Variants in OCRL observed in about 807,000 individuals in gnomAD.
OCRL encodes the protein inositol polyphosphate 5-phosphatase OCRL.
OCRL carries 8 observed loss-of-function variants against 78.9 expected under a neutral mutation model. That is an observed-to-expected ratio of 0.10 (90% CI 0.06 to 0.18). The LOEUF (loss-of-function observed/expected upper bound fraction) is 0.18, where lower values mean the gene tolerates loss of function less well. Among genes scored for constraint, OCRL ranks in the 10% least tolerant of loss-of-function variants. The pLI is 1.00. For synonymous variants in OCRL, 240 were observed against 235.4 expected, an observed-to-expected ratio of 1.02 and a Z score of -0.18; for missense variants, 454 against 696.7, an observed-to-expected ratio of 0.65 and a Z score of 3.92.
intron 12 of OCRL, among the ~76,000 whole-genome samples, chrX:129,564,161 C>T (rs1347215537): frequency 3.6e-5 from 4 of 111,182 alleles, no homozygotes; most frequent in Non-Finnish European, 7.6e-5. Flanking sequence ...CAAATCAAAA[C>T]CACAATGAGA....
chrX:129,571,355 G>GT (rs1936297352), intron 15 of OCRL, among the ~76,000 whole-genome samples: 1 of 86,135 alleles, frequency 1.2e-5, no homozygotes, highest in African/African-American at 4.4e-5. Flanking sequence ...TTTGTTTTTT[G>GT]TTTTTTGGTT....
rs1425255432 is a variant in OCRL at position 129,591,637 on chromosome X, C to CGTACAGGCTGTAT, written c.*1373_*1385dup. ...TTTACATTAATTGCAAGGAGCATAA[C>CGTACAGGCTGTAT]GTACAGGCTGTATGTACAATCCTGG... On this transcript the variant is annotated 3_prime_UTR_variant, in exon 24 of 24. Transcript: ENST00000371113. 1 of 111,385 alleles carries CGTACAGGCTGTAT rather than the reference C, an allele frequency of 9.0e-6. No homozygotes were observed. The highest frequency in any genetic ancestry group is 1.9e-5 in the Non-Finnish European group (1 of 52,982). The allele number at this position is 111,385 out of a possible 1,213,427, so 9.2% of individuals were successfully genotyped here. A position where few individuals can be genotyped will look rare whatever the true frequency, so the allele number is the denominator to read the frequency against.
intron 18 of OCRL, among the ~76,000 whole-genome samples, chrX:129,579,963 TAA>T (rs1936420106): frequency 8.9e-6 from 1 of 112,125 alleles, no homozygotes; most frequent in Non-Finnish European, 1.9e-5. Context: ...GAAAGTCGTT[TAA>T]AGTGACTGCT....
intron 15 of OCRL, among the ~76,000 whole-genome samples, chrX:129,573,433 A>G (rs371566029): frequency 1.8e-5 from 2 of 111,090 alleles, no homozygotes; most frequent in East Asian, 5.6e-4. Flanking sequence ...CCCTGTGTCC[A>G]TGTGTTCTCA....
chrX:129,562,629 G>A lies in OCRL; in HGVS notation c.1087G>A (p.Val363Ile), dbSNP rs1936160740. 1.7e-6 allele frequency: 2 copies of A among 1,209,732 alleles called. No homozygotes were observed. The highest frequency in any genetic ancestry group is 1.8e-5 in the South Asian group (1 of 56,829). The change falls in exon 12 of 24, where the codon GTA (valine) becomes ATA (isoleucine). Residue 363 changes from valine to isoleucine, a missense_variant. Val to Ile is a conservative substitution (Grantham distance 29, BLOSUM62 3). This residue lies in a region of OCRL where 277 missense variants were observed against 517.1 expected (regional missense o/e 0.54). Transcript: ENST00000371113. ...GNKGGVAVRF[V>I]FHNTTFCIVN... The stretch of plus-strand genomic sequence containing the variant: ...CAAAGGTGGGGTAGCTGTGAGATTT[G>A]TATTTCACAACACCACCTTTTGCAT...
At chrX:129,571,423 G>A (rs112745736) in intron 15 of OCRL, among the ~76,000 whole-genome samples, 1,521 of 96,951 alleles carry the variant, frequency 0.016, 22 homozygotes, top group Non-Finnish European at 0.023. Context: ...GGAGTGCAGT[G>A]GCACGATCTT....
chrX:129,575,390 C>T (rs1285501533), intron 16 of OCRL, 140 bp downstream of exon 16: 26 of 450,150 alleles, frequency 5.8e-5, no homozygotes, highest in South Asian at 4.1e-4. Flanking sequence ...AGTTGTAGCA[C>T]GGCTGTTTAG....
At chrX:129,545,160 T>TA in intron 3 of OCRL, 123 bp downstream of exon 3, 1 of 480,416 alleles carries the variant, frequency 2.1e-6, no homozygotes, top group Non-Finnish European at 3.7e-6. Flanking sequence ...ACTCTTTGCA[T>TA]AAAAAGATAA....
In OCRL at chrX:129,584,327, T is replaced by G. The variant is rs761277153; in HGVS notation, c.2116-17T>G. The G allele has an allele frequency of 3.3e-6, 4 of 1,204,571 alleles. No individual in the cohort carries two copies. Among genetic ancestry groups the G allele is most frequent in the Non-Finnish European group, 4.5e-6 (4 of 888,907 alleles). The stretch of plus-strand genomic sequence containing the variant: ...ATTCTGTCTGTCAATGACTTTCTTT[T>G]CCTGCTCCGCTCTCAGGAAGAAGAC... On this transcript the variant is annotated splice_polypyrimidine_tract_variant and intron_variant, in intron 18 of 23. Transcript: ENST00000371113.
chrX:129,547,329 T>G (rs1031537777), intron 3 of OCRL, among the ~76,000 whole-genome samples: 1 of 109,473 alleles, frequency 9.1e-6, no homozygotes, highest in African/African-American at 3.3e-5. Flanking sequence ...ATTGAGACCA[T>G]CCTGGCTAAC....
rs754141203 is a variant in OCRL at position 129,561,734 on chromosome X, T to C, written c.939+441T>C. On this transcript the variant is annotated intron_variant, in intron 10 of 23. Coordinates refer to ENST00000371113, the MANE Select transcript of OCRL (RefSeq NM_000276.4). ...TTTAAGTTAAGAGGAGAGTTGACTT[T>C]AGCAAGATGGGCCAATTTGTTTGTC... 8.1e-5 allele frequency among the ~76,000 whole-genome samples: 9 copies of C among 111,683 alleles called. No homozygotes were observed. The South Asian group carries it at 1.9e-3, about 23-fold the overall frequency.
chrX:129,570,873 A>T (rs1456892822), intron 15 of OCRL, among the ~76,000 whole-genome samples: 1 of 112,616 alleles, frequency 8.9e-6, no homozygotes, highest in Admixed American at 9.4e-5. Context: ...TGTGAAACCC[A>T]CGTATAAGGA....
In OCRL at chrX:129,554,640, G is replaced by C. The variant is rs760637155; in HGVS notation, c.239-2685G>C. On this transcript the variant is annotated intron_variant, in intron 4 of 23. Transcript: ENST00000371113. ...CAACTCAAAATTACTTCAGGTGTGAGAGAATATAAACAGACTCCATTAAGA... is the reference window on the plus strand; with the variant it reads ...CAACTCAAAATTACTTCAGGTGTGACAGAATATAAACAGACTCCATTAAGA... 5.5e-4 allele frequency among the ~76,000 whole-genome samples: 61 copies of C among 111,836 alleles called. 1 individual carries two copies. The highest frequency in any genetic ancestry group is 4.1e-4 in the Non-Finnish European group (22 of 53,194).
Position 129,590,436 on chromosome X carries a change from C to T in OCRL, c.*166C>T, listed in dbSNP as rs984390913. On this transcript the variant is annotated 3_prime_UTR_variant, in exon 24 of 24. Coordinates refer to ENST00000371113, the MANE Select transcript of OCRL (RefSeq NM_000276.4). ...CTAATCCCTCCTTTACCATATCCTA[C>T]ACAGAAAAATACTTTTAGACTTATA... 7 of 617,155 alleles carry T rather than the reference C, an allele frequency of 1.1e-5. No individual in the cohort carries two copies. The highest frequency in any genetic ancestry group is 1.1e-4 in the African/African-American group (5 of 44,327). The allele number at this position is 617,155 out of a possible 1,213,427, so 50.9% of individuals were successfully genotyped here. A position where few individuals can be genotyped will look rare whatever the true frequency, so the allele number is the denominator to read the frequency against.
At chrX:129,547,330 C>T (rs1935895757) in intron 3 of OCRL, among the ~76,000 whole-genome samples, 1 of 109,844 alleles carries the variant, frequency 9.1e-6, no homozygotes, top group Non-Finnish European at 1.9e-5. Context: ...TTGAGACCAT[C>T]CTGGCTAACA....
intron 4 of OCRL, among the ~76,000 whole-genome samples, chrX:129,554,779 G>A (rs967708736): frequency 7.4e-5 from 8 of 107,542 alleles, no homozygotes; most frequent in Non-Finnish European, 1.5e-4. Flanking sequence ...TGGTGAAACC[G>A]CGTCTCTACT....
chrX:129,565,688 TC>T lies in OCRL; in HGVS notation c.1245-83del. ...GTGGTGAGTGAGCCCTTATCAATAA[TC>T]TACCCATTTTTCTTCTCTCCATCCT... On this transcript the variant is annotated intron_variant, in intron 12 of 23. Coordinates refer to ENST00000371113, the MANE Select transcript of OCRL (RefSeq NM_000276.4). 5.6e-6 allele frequency: 4 copies of T among 712,099 alleles called. No homozygotes were observed. In the South Asian group the frequency reaches 8.6e-5, roughly 15 times the overall value. 58.7% of individuals were successfully genotyped at this position (712,099 alleles called of 1,213,427 possible).
intron 19 of OCRL, 97 bp from the exon 20 acceptor site, chrX:129,586,905 A>C (rs367937700): frequency 3.4e-5 from 21 of 610,648 alleles, no homozygotes; most frequent in Middle Eastern, 3.0e-4. Flanking sequence ...TGAAGATCAC[A>C]TTTTACCTGC....
chrX:129,573,086 A>G (rs1404425670), intron 15 of OCRL, among the ~76,000 whole-genome samples: 1 of 112,288 alleles, frequency 8.9e-6, no homozygotes, highest in Non-Finnish European at 1.9e-5. Flanking sequence ...CTAATGCTAT[A>G]CTATGGACCC....
Sources: allele counts gnomAD v4.1 joint callset (sites outside exome capture counted in the v4.1 genomes callset), GRCh38; gene constraint gnomAD v4.1.1; regional missense constraint gnomAD v4.1.1; transcripts MANE v1.5; gene names NCBI Gene and HGNC (gene_info 2026-07-23, HGNC 2026-07-21).